The following ATXN1 variants were observed in gnomAD, a reference collection of about 807,000 sequenced individuals.
ATXN1 encodes ataxin 1.
In ATXN1, 8 loss-of-function variants were observed where a neutral mutation model predicts 56.4. The ratio of observed to expected loss-of-function variants is 0.14; its 90% CI spans 0.08 to 0.26. The LOEUF (loss-of-function observed/expected upper bound fraction) is 0.26. Ranked by LOEUF, ATXN1 falls within the 10% of genes least tolerant of loss-of-function variation. ATXN1 has a pLI of 1.00. For synonymous variants in ATXN1, 514 were observed against 494.6 expected (o/e 1.04, Z -0.52); for missense variants, 987 against 1,106.5 (o/e 0.89, Z 1.53).
intron 6 of ATXN1, among the ~76,000 whole-genome samples, chr6:16,435,463 A>T (rs1759370272): frequency 6.6e-6 from 1 of 152,110 alleles, no homozygotes; most frequent in South Asian, 2.1e-4. Context: ...CTTAGGAAGG[A>T]GGGGCCAGAA....
Position 16,665,557 on chromosome 6 carries a change from G to A in ATXN1, c.-614-7656C>T, listed in dbSNP as rs144576939. On this transcript the variant is annotated intron_variant, in intron 2 of 7. Transcript: ENST00000436367. ...GAAAAGGTCTTGGGTGGGGGTGGGGGGGTTCCCAAAGTGAGAACTGCTGAC... is the reference window on the plus strand; with the variant it reads ...GAAAAGGTCTTGGGTGGGGGTGGGGAGGTTCCCAAAGTGAGAACTGCTGAC... 3.6e-3 allele frequency among the ~76,000 whole-genome samples: 544 copies of A among 151,762 alleles called. 3 individuals are homozygous for A. The highest frequency in any genetic ancestry group is 0.013 in the African/African-American group (518 of 41,316).
At chr6:16,409,607 C>T (rs1489517753) in intron 6 of ATXN1, among the ~76,000 whole-genome samples, 2 of 144,942 alleles carry the variant, frequency 1.4e-5, no homozygotes, top group South Asian at 2.1e-4. Context: ...GAGCTAAGAT[C>T]GTGCCACTGC....
chr6:16,449,086 G>A (rs1029047145), intron 6 of ATXN1, among the ~76,000 whole-genome samples: 4 of 73,140 alleles, frequency 5.5e-5, no homozygotes, highest in South Asian at 3.5e-4. Context: ...AAGGTATCCC[G>A]TCATCTCAGT....
chr6:16,395,567 C>T (rs1185066081), intron 6 of ATXN1, among the ~76,000 whole-genome samples: 8 of 152,152 alleles, frequency 5.3e-5, no homozygotes, highest in East Asian at 1.9e-4. Context: ...TATATATAAA[C>T]GTCCTGCAGT....
At chr6:16,501,339 G>C (rs1372307664) in intron 5 of ATXN1, among the ~76,000 whole-genome samples, 1 of 152,080 alleles carries the variant, frequency 6.6e-6, no homozygotes, top group African/African-American at 2.4e-5. Flanking sequence ...TAAGTTCTGG[G>C]ATACATGTGC....
At chr6:16,618,302 C>T (rs1367314658) in intron 3 of ATXN1, among the ~76,000 whole-genome samples, 2 of 152,116 alleles carry the variant, frequency 1.3e-5, no homozygotes, top group Admixed American at 6.6e-5. Context: ...AAGACAAATA[C>T]CGAATGCATG....
intron 6 of ATXN1, among the ~76,000 whole-genome samples, chr6:16,476,302 G>A (rs960088394): frequency 6.6e-6 from 1 of 152,092 alleles, no homozygotes; most frequent in Non-Finnish European, 1.5e-5. Context: ...TATGAAGCAC[G>A]AAGTTCATGA....
At chr6:16,374,665 T>A (rs1762109291) in intron 6 of ATXN1, among the ~76,000 whole-genome samples, 1 of 152,212 alleles carries the variant, frequency 6.6e-6, no homozygotes, top group South Asian at 2.1e-4. Context: ...ATCGTGAGGT[T>A]TGGATGGCAA....
At chr6:16,554,995 A>ACT (rs956695889) in intron 4 of ATXN1, among the ~76,000 whole-genome samples, 2 of 152,286 alleles carry the variant, frequency 1.3e-5, no homozygotes, top group Admixed American at 6.5e-5. Flanking sequence ...TGTCTCAATG[A>ACT]GTGAAACTCC....
chr6:16,460,696 A>G (rs1269845180), intron 6 of ATXN1, among the ~76,000 whole-genome samples: 1 of 152,222 alleles, frequency 6.6e-6, no homozygotes, highest in Non-Finnish European at 1.5e-5. Flanking sequence ...AGGATCTCTT[A>G]GAAGTACCCT....
At chr6:16,447,588 G>A (rs746803774) in intron 6 of ATXN1, among the ~76,000 whole-genome samples, 33 of 151,982 alleles carry the variant, frequency 2.2e-4, no homozygotes, top group East Asian at 3.9e-4. Context: ...AACTTCTGGC[G>A]TCAAGTGATC....
intron 2 of ATXN1, among the ~76,000 whole-genome samples, chr6:16,741,932 C>T (rs951817090): frequency 1.4e-4 from 22 of 152,164 alleles, no homozygotes; most frequent in African/African-American, 5.3e-4. Flanking sequence ...AAAAATATAA[C>T]TTGTTCCTTC....
chr6:16,320,299 C>T (rs1050241196), intron 7 of ATXN1, among the ~76,000 whole-genome samples: 7 of 152,054 alleles, frequency 4.6e-5, no homozygotes, highest in Admixed American at 1.3e-4. Flanking sequence ...AACTGCTGTA[C>T]GAGCACACAC....
At chr6:16,725,352 A>G (rs1759826970) in intron 2 of ATXN1, among the ~76,000 whole-genome samples, 1 of 152,180 alleles carries the variant, frequency 6.6e-6, no homozygotes, top group African/African-American at 2.4e-5. Context: ...CGAGTTCCTT[A>G]AGGAGTCAAA....
At position 16,440,648 on chromosome 6, in the gene ATXN1, A is replaced by AAAAAAAAAAAAAAAAAAAAAAAAAGAAAG. The variant is rs748929817; in HGVS notation, c.-161+45323_-161+45324insCTTTCTTTTTTTTTTTTTTTTTTTTTTTT. ...AGAGTGAGACCCTGTCTTAAAAAAAAAAAAGAAAAGAAAAGAAAAAATTAA... is the reference window on the plus strand; with the variant it reads ...AGAGTGAGACCCTGTCTTAAAAAAAAAAAAAAAAAAAAAAAAAAAAAAAAGAAAGAAAAGAAAAGAAAAGAAAAAATTAA... On this transcript the variant is annotated intron_variant, in intron 6 of 7. Coordinates refer to ENST00000436367, the MANE Select transcript of ATXN1 (RefSeq NM_001128164.2). 8.4e-4 allele frequency among the ~76,000 whole-genome samples: 100 copies of AAAAAAAAAAAAAAAAAAAAAAAAAGAAAG among 118,484 alleles called. 3 individuals carry two copies. The highest frequency in any genetic ancestry group is 1.1e-3 in the Non-Finnish European group (67 of 59,850). 77.7% of individuals were successfully genotyped at this position (118,484 alleles called of 152,430 possible).
At chr6:16,499,491 A>G (rs1444515752) in intron 5 of ATXN1, among the ~76,000 whole-genome samples, 5 of 152,166 alleles carry the variant, frequency 3.3e-5, no homozygotes, top group Non-Finnish European at 7.4e-5. Context: ...AGGGAAGCCA[A>G]CCACCTCTTG....
At chr6:16,391,094 G>A (rs548865655) in intron 6 of ATXN1, among the ~76,000 whole-genome samples, 2 of 149,460 alleles carry the variant, frequency 1.3e-5, no homozygotes, top group African/African-American at 2.5e-5. Flanking sequence ...CCTGGGAGGC[G>A]GAGGTTGCAG....
intron 2 of ATXN1, among the ~76,000 whole-genome samples, chr6:16,718,613 A>G (rs1759684904): frequency 6.6e-6 from 1 of 152,256 alleles, no homozygotes; most frequent in Non-Finnish European, 1.5e-5. Context: ...CCAACTAGGA[A>G]TTAAATATAT....
intron 5 of ATXN1, among the ~76,000 whole-genome samples, chr6:16,490,270 G>A (rs1009047551): frequency 6.6e-6 from 1 of 152,066 alleles, no homozygotes; most frequent in Non-Finnish European, 1.5e-5. Flanking sequence ...GATCCTGCTG[G>A]GGTCAACTCT....
Sources: allele counts gnomAD v4.1 joint callset (sites outside exome capture counted in the v4.1 genomes callset), GRCh38; gene constraint gnomAD v4.1.1; transcripts MANE v1.5; gene names NCBI Gene and HGNC (gene_info 2026-07-23, HGNC 2026-07-21).